The following PTPRG variants were observed in gnomAD, a reference collection of about 807,000 sequenced individuals.
PTPRG encodes receptor-type tyrosine-protein phosphatase gamma.
In PTPRG, 102 loss-of-function variants were observed where a neutral mutation model predicts 165.3. That is an observed-to-expected ratio of 0.62 (90% confidence interval 0.53 to 0.73). The LOEUF (loss-of-function observed/expected upper bound fraction) is 0.73. Ranked by LOEUF, PTPRG falls within the 30% of genes least tolerant of loss-of-function variation. The pLI is 0.00. For missense variants in PTPRG, 1,866 were observed against 1,861.4 expected (o/e 1.00, Z -0.05); for synonymous variants, 675 against 669.5 (o/e 1.01, Z -0.13).
chr3:61,750,933 A>G (rs1437430050), intron 2 of PTPRG: 3 of 152,214 alleles, frequency 2.0e-5, no homozygotes, highest in Admixed American at 6.5e-5. Context: ...TTTTCCTAGA[A>G]ATCAGATAGG....
At chr3:61,712,310 A>T (rs906160078) in intron 1 of PTPRG, among the ~76,000 whole-genome samples, 1 of 152,130 alleles carries the variant, frequency 6.6e-6, no homozygotes, top group African/African-American at 2.4e-5. Context: ...AGATGCTAAT[A>T]TCTTGTCACA....
At chr3:61,670,119 C>T (rs572647028) in intron 1 of PTPRG, among the ~76,000 whole-genome samples, 10 of 152,286 alleles carry the variant, frequency 6.6e-5, no homozygotes, top group Middle Eastern at 3.4e-3. Flanking sequence ...ATGTGAAAAG[C>T]CCAACTCTGG....
intron 7 of PTPRG, among the ~76,000 whole-genome samples, chr3:62,166,863 A>AT (rs754749339): frequency 1.3e-5 from 2 of 151,764 alleles, no homozygotes; most frequent in Admixed American, 1.3e-4. Context: ...TGATTTGTGT[A>AT]TTTTTTATAT....
chr3:62,046,232 A>G (rs1384091621), intron 4 of PTPRG, among the ~76,000 whole-genome samples: 1 of 151,044 alleles, frequency 6.6e-6, no homozygotes, highest in African/African-American at 2.4e-5. Flanking sequence ...TGATGATTTG[A>G]TTGGTGGTAT....
At chr3:62,021,826 A>C (rs1225413897) in intron 4 of PTPRG, among the ~76,000 whole-genome samples, 1 of 150,992 alleles carries the variant, frequency 6.6e-6, no homozygotes, top group Non-Finnish European at 1.5e-5. Context: ...ATTATATGTA[A>C]AATTTTGGCC....
At chr3:62,169,047 T>C (rs1273361908) in intron 8 of PTPRG, among the ~76,000 whole-genome samples, 2 of 152,188 alleles carry the variant, frequency 1.3e-5, no homozygotes, top group Admixed American at 1.3e-4. Context: ...ATTCTGCTGT[T>C]CTTCTGCTCT....
At chr3:61,774,006 C>A (rs2034293893) in intron 2 of PTPRG, among the ~76,000 whole-genome samples, 1 of 152,024 alleles carries the variant, frequency 6.6e-6, no homozygotes, top group Non-Finnish European at 1.5e-5. Flanking sequence ...AACTCCTGAC[C>A]TTGGGTGATC....
chr3:61,984,971 A>T (rs552675988), intron 2 of PTPRG, among the ~76,000 whole-genome samples: 3 of 152,370 alleles, frequency 2.0e-5, no homozygotes, highest in African/African-American at 7.2e-5. Context: ...TGGAAAGAAT[A>T]CCACGGAGGT....
chr3:62,012,313 A>G (rs927437028), intron 4 of PTPRG, among the ~76,000 whole-genome samples: 2 of 152,190 alleles, frequency 1.3e-5, no homozygotes, highest in Non-Finnish European at 2.9e-5. Flanking sequence ...TTATTAGGTA[A>G]GTAATTCTGC....
At chr3:62,198,671 G>A (rs1246920952) in intron 10 of PTPRG, among the ~76,000 whole-genome samples, 2 of 152,270 alleles carry the variant, frequency 1.3e-5, no homozygotes, top group African/African-American at 4.8e-5. Flanking sequence ...TAATATATGT[G>A]CTTTTTAAAA....
In PTPRG at chr3:62,213,758, G is replaced by A. The variant is rs752442643; in HGVS notation, c.2156-5093G>A. Among the ~76,000 whole-genome samples the A allele has an allele frequency of 1.3e-5, 2 of 152,114 alleles. No individual in the cohort carries two copies. The highest frequency in any genetic ancestry group is 2.4e-5 in the African/African-American group (1 of 41,420). ...GGGAAGTTTAGCCTCATGGATTGTC[G>A]GTGTCTGAGGGCATATAATGATATG... On this transcript the variant is annotated intron_variant, in intron 12 of 29. Coordinates refer to ENST00000474889, the MANE Select transcript of PTPRG (RefSeq NM_002841.4). The surrounding 1 kb of genome is among the most constrained non-coding windows in gnomAD (Gnocchi z 4.4).
intron 2 of PTPRG, among the ~76,000 whole-genome samples, chr3:61,844,345 A>C (rs984059991): frequency 2.6e-5 from 4 of 152,232 alleles, no homozygotes; most frequent in Non-Finnish European, 5.9e-5. Flanking sequence ...GATAAAATAC[A>C]GGATGCCCAC....
intron 13 of PTPRG, among the ~76,000 whole-genome samples, chr3:62,226,257 T>G (rs1700762440): frequency 6.6e-6 from 1 of 152,210 alleles, no homozygotes; most frequent in Admixed American, 6.5e-5. Context: ...TAGCCTACTT[T>G]TATAGTGCAT....
At chr3:61,760,787 T>TG (rs1219418054) in intron 2 of PTPRG, among the ~76,000 whole-genome samples, 1 of 152,146 alleles carries the variant, frequency 6.6e-6, no homozygotes, top group African/African-American at 2.4e-5. Context: ...CCCCAGTGTG[T>TG]GTTGTTCTTT....
chr3:61,732,352 C>T (rs948519971), intron 1 of PTPRG, among the ~76,000 whole-genome samples: 20 of 152,068 alleles, frequency 1.3e-4, no homozygotes, highest in Non-Finnish European at 1.9e-4. Context: ...CCGAGGTGGG[C>T]GGATCACGAG....
chr3:62,166,137 T>C (rs967802002), intron 7 of PTPRG, among the ~76,000 whole-genome samples: 23 of 151,302 alleles, frequency 1.5e-4, no homozygotes, highest in African/African-American at 5.3e-4. Flanking sequence ...AGCTTTTCTC[T>C]TCATTCTATT....
chr3:62,284,607 T>C (rs1029936721), intron 28 of PTPRG, among the ~76,000 whole-genome samples: 1 of 152,146 alleles, frequency 6.6e-6, no homozygotes, highest in Non-Finnish European at 1.5e-5. Flanking sequence ...ACCAGTTCCT[T>C]TTCAGTTTCC....
chr3:62,045,247 G>A (rs952568265), intron 4 of PTPRG, among the ~76,000 whole-genome samples: 2 of 152,166 alleles, frequency 1.3e-5, no homozygotes, highest in South Asian at 4.1e-4. Flanking sequence ...AATTATTTAT[G>A]CAGTGTTTAT....
chr3:61,960,197 T>C (rs2040119903), intron 2 of PTPRG, among the ~76,000 whole-genome samples: 1 of 152,130 alleles, frequency 6.6e-6, no homozygotes, highest in Admixed American at 6.5e-5. Context: ...TGCAAACCCC[T>C]GAAGGCTGTT....
Sources: gnomAD v4.1 joint callset for allele counts (sites outside exome capture counted in the v4.1 genomes callset) on GRCh38, gnomAD v4.1.1 for gene constraint, Gnocchi (gnomAD v3.1) non-coding constraint, MANE v1.5 for transcripts, NCBI Gene and HGNC (gene_info 2026-07-23, HGNC 2026-07-21) for gene names.